TAS1R3: variants seen among roughly 807,000 people sequenced by gnomAD.
TAS1R3 encodes the protein taste receptor type 1 member 3.
Under a neutral mutation model 46.1 loss-of-function variants are expected in TAS1R3, and 58 were observed. That is an observed-to-expected ratio of 1.26 (90% CI 1.02 to 1.57). TAS1R3 has a LOEUF of 1.57. Among genes scored for constraint, TAS1R3 ranks in the 40% most tolerant of loss-of-function variants. The pLI is 0.00. For missense variants in TAS1R3, 1,422 were observed against 1,185.8 expected, an observed-to-expected ratio of 1.20 and a Z score of -2.93; for synonymous variants, 724 against 544.7, an observed-to-expected ratio of 1.33 and a Z score of -4.58.
At position 1,333,939 on chromosome 1, in the gene TAS1R3, G is replaced by A. The variant is rs1419299277; in HGVS notation, c.2034G>A (p.Gly678=). 3.1e-6 allele frequency: 5 copies of A among 1,601,226 alleles called. No homozygotes were observed. Among genetic ancestry groups the A allele is most frequent in the East Asian group, 2.2e-5 (1 of 44,874 alleles). The change falls in exon 6 of 6, where the codon GGG becomes GGA. Residue 678 remains glycine, a synonymous_variant. Coordinates refer to ENST00000339381, the MANE Select transcript of TAS1R3 (RefSeq NM_152228.3). ...WADRLSGCLR[G]PWAWLVVLLA... Reference sequence around the variant, plus strand: ...ACCGGCTGAGTGGCTGCCTGCGGGGGCCCTGGGCCTGGCTGGTGGTGCTGC... The same window carrying A: ...ACCGGCTGAGTGGCTGCCTGCGGGGACCCTGGGCCTGGCTGGTGGTGCTGC...
chr1:1,331,866 T>C lies in TAS1R3; in HGVS notation c.420T>C (p.Ala140=), dbSNP rs765148564. The C allele has an allele frequency of 1.2e-6, 2 of 1,612,768 alleles. No homozygotes were observed. The highest frequency in any genetic ancestry group is 2.2e-5 in the South Asian group (2 of 91,092). ...NYTQYQPRVL[A]VIGPHSSELA... is the part of the protein sequence containing the mutation. Reference sequence around the variant, plus strand: ...CGCAGTACCAGCCCCGTGTGCTGGCTGTCATCGGGCCCCACTCGTCAGAGC... The same window carrying C: ...CGCAGTACCAGCCCCGTGTGCTGGCCGTCATCGGGCCCCACTCGTCAGAGC... Residue 140 remains alanine (A), a synonymous_variant, in exon 2 of 6, where the codon GCT becomes GCC. Transcript: ENST00000339381.
chr1:1,331,443 G>C lies in TAS1R3; in HGVS notation c.98G>C (p.Gly33Ala). The change falls in exon 1 of 6, where the codon GGG becomes GCG. Residue 33 changes from glycine (G) to alanine (A), a missense_variant. By Grantham distance (60) the Gly-to-Ala change is moderately conservative (BLOSUM62 0). Transcript: ENST00000339381. ...CTGTCACAGCAACTTAGGATGAAGG[G>C]GGACTACGTGCTGGGGGGGCTGTTC... is the stretch of plus-strand genomic sequence containing the variant. The part of the protein sequence containing the change: ...LCLSQQLRMK[G>A]DYVLGGLFPL... The C allele has an allele frequency of 6.2e-7, 1 of 1,604,146 alleles. No homozygotes were observed. The highest frequency in any genetic ancestry group is 8.5e-7 in the Non-Finnish European group (1 of 1,177,046).
chr1:1,332,256 T>C lies in TAS1R3; in HGVS notation c.725T>C (p.Leu242Pro). Residue 242 changes from leucine (L) to proline (P), a missense_variant, in exon 3 of 6, where the codon CTG (leucine) becomes CCG (proline). Leu to Pro is a moderately conservative substitution (Grantham distance 98). Coordinates refer to ENST00000339381, the MANE Select transcript of TAS1R3 (RefSeq NM_152228.3). ...ARGICIAHEG[L>P]VPLPRADDSR... ...GGCATCTGCATCGCGCACGAGGGCCTGGTGCCGCTGCCCCGTGCCGATGAC... is the reference window on the plus strand; with the variant it reads ...GGCATCTGCATCGCGCACGAGGGCCCGGTGCCGCTGCCCCGTGCCGATGAC... The C allele has an allele frequency of 1.3e-6, 2 of 1,597,668 alleles. No individual in the cohort carries two copies. Among genetic ancestry groups the C allele is most frequent in the Non-Finnish European group, 1.7e-6 (2 of 1,176,722 alleles).
chr1:1,331,906 G>A lies in TAS1R3; in HGVS notation c.460G>A (p.Gly154Ser), dbSNP rs138707732. 35 of 1,612,354 alleles carry A rather than the reference G, an allele frequency of 2.2e-5. No individual in the cohort carries two copies. The highest frequency in any genetic ancestry group is 2.2e-4 in the Admixed American group (13 of 60,004). The change falls in exon 2 of 6, where the codon GGC (glycine) becomes AGC (serine). Residue 154 changes from glycine to serine, a missense_variant. By Grantham distance (56) the Gly-to-Ser change is moderately conservative. Coordinates refer to ENST00000339381, the MANE Select transcript of TAS1R3 (RefSeq NM_152228.3). ...CTCGTCAGAGCTCGCCATGGTCACC[G>A]GCAAGTTCTTCAGCTTCTTCCTCAT... ...PHSSELAMVT[G>S]KFFSFFLMPQ...
rs778989353 is a variant in TAS1R3, at chr1:1,332,747, AAC to A, written c.1219_1220del (p.Thr407SerfsTer84). 2.5e-6 allele frequency: 4 copies of A among 1,605,368 alleles called. No individual in the cohort carries two copies. The Admixed American group carries it at 5.0e-5, about 20-fold the overall frequency. Reference sequence around the variant, plus strand: ...GTATAGCGTGGCCCAGGCCCTGCACAACACTCTTCAGTGCAACGCCTCAGGCT... The same window carrying A: ...GTATAGCGTGGCCCAGGCCCTGCACAACTCTTCAGTGCAACGCCTCAGGCT... ...AVYSVAQALH[N>X]TLQCNASGCP... On this transcript the variant is annotated frameshift_variant, in exon 3 of 6. Coordinates refer to ENST00000339381, the MANE Select transcript of TAS1R3 (RefSeq NM_152228.3). LOFTEE classifies it high-confidence loss of function.
rs770061346 is a variant in TAS1R3 at position 1,332,248 on chromosome 1, C to G, written c.717C>G (p.His239Gln). ...CGGCACGCGGCATCTGCATCGCGCACGAGGGCCTGGTGCCGCTGCCCCGTG... is the reference window on the plus strand; with the variant it reads ...CGGCACGCGGCATCTGCATCGCGCAGGAGGGCCTGGTGCCGCTGCCCCGTG... The part of the protein sequence containing the change: ...LAAARGICIA[H>Q]EGLVPLPRAD... The change falls in exon 3 of 6, where the codon CAC becomes CAG. Residue 239 changes from histidine to glutamine, a missense_variant. Coordinates refer to ENST00000339381, the MANE Select transcript of TAS1R3 (RefSeq NM_152228.3). 1.3e-6 allele frequency: 2 copies of G among 1,596,044 alleles called. No individual in the cohort carries two copies. Among genetic ancestry groups the G allele is most frequent in the Non-Finnish European group, 1.7e-6 (2 of 1,176,432 alleles).
rs200461046 is a variant in TAS1R3 at position 1,332,886 on chromosome 1, G to A, written c.1276-35G>A. The A allele has an allele frequency of 4.3e-5, 69 of 1,590,472 alleles. No homozygotes were observed. In the East Asian group the frequency reaches 1.4e-3, roughly 33 times the overall value. On this transcript the variant is annotated intron_variant, in intron 3 of 5. Coordinates refer to ENST00000339381, the MANE Select transcript of TAS1R3 (RefSeq NM_152228.3). ...CACGGCCACCACGCCTGAGCTGGAG[G>A]TGGCTGGCGGCTCAGCCCCGTCCCC...
In TAS1R3 at chr1:1,334,092, C is replaced by T. The variant is rs1454730196; in HGVS notation, c.2187C>T (p.Ser729=). The T allele has an allele frequency of 5.7e-6, 9 of 1,590,344 alleles. No individual in the cohort carries two copies. In the South Asian group the frequency reaches 9.0e-5, roughly 16 times the overall value. The change falls in exon 6 of 6, where the codon AGC becomes AGT. Residue 729 remains serine (S), a synonymous_variant. Coordinates refer to ENST00000339381, the MANE Select transcript of TAS1R3 (RefSeq NM_152228.3). The part of the protein sequence containing the change: ...LVHCRTRSWV[S]FGLAHATNAT... ...ACTGCCGCACACGCTCCTGGGTCAG[C>T]TTCGGCCTAGCGCACGCCACCAATG...
In TAS1R3 at chr1:1,332,188, C is replaced by T. The variant is rs1197720526; in HGVS notation, c.657C>T (p.Gly219=). 6.3e-7 allele frequency: 1 copy of T among 1,595,640 alleles called. No individual in the cohort carries two copies. The highest frequency in any genetic ancestry group is 1.3e-5 in the African/African-American group (1 of 74,846). ...VAALGSDDEY[G]RQGLSIFSAL... is the part of the protein sequence containing the mutation. ...CCCTGGGCAGCGACGACGAGTACGG[C>T]CGGCAGGGCCTGAGCATCTTCTCGG... The change falls in exon 3 of 6, where the codon GGC becomes GGT. Residue 219 remains glycine (G), a synonymous_variant. Transcript: ENST00000339381.
Position 1,332,103 on chromosome 1 carries a change from G to A in TAS1R3, c.572G>A (p.Arg191His), listed in dbSNP as rs141717515. ...PSFFRTVPSD[R>H]VQLTAAAELL... ...TTCTTCCGCACCGTGCCCAGCGACCGTGTGCAGCTGACGGCCGCCGCGGAG... is the reference window on the plus strand; with the variant it reads ...TTCTTCCGCACCGTGCCCAGCGACCATGTGCAGCTGACGGCCGCCGCGGAG... The change falls in exon 3 of 6, where the codon CGT (arginine) becomes CAT (histidine). Residue 191 changes from arginine to histidine, a missense_variant. By Grantham distance (29) the Arg-to-His change is conservative. Coordinates refer to ENST00000339381, the MANE Select transcript of TAS1R3 (RefSeq NM_152228.3). The A allele has an allele frequency of 1.2e-4, 186 of 1,600,558 alleles. 1 individual carries two copies. Among genetic ancestry groups the A allele is most frequent in the Admixed American group, 8.2e-4 (49 of 59,986 alleles).
In TAS1R3 at chr1:1,331,706, C is replaced by T. The variant is rs201655269; in HGVS notation, c.260C>T (p.Ser87Leu). The T allele has an allele frequency of 1.5e-5, 24 of 1,612,950 alleles. No homozygotes were observed. The East Asian group carries it at 1.8e-4, about 12-fold the overall frequency. Residue 87 changes from serine to leucine, a missense_variant, in exon 2 of 6, where the codon TCG becomes TTG. Ser to Leu is a moderately radical substitution (Grantham distance 145). Transcript: ENST00000339381. ...GCCGTGGAGGAGATCAACAACAAGTCGGATCTGCTGCCCGGGCTGCGCCTG... is the reference window on the plus strand; with the variant it reads ...GCCGTGGAGGAGATCAACAACAAGTTGGATCTGCTGCCCGGGCTGCGCCTG... ...KMAVEEINNKSDLLPGLRLGY... is the reference protein window; with the variant it reads ...KMAVEEINNKLDLLPGLRLGY...
Position 1,333,633 on chromosome 1 carries a change from G to A in TAS1R3, c.1728G>A (p.Leu576=). 6.2e-7 allele frequency: 1 copy of A among 1,611,666 alleles called. No homozygotes were observed. The highest frequency in any genetic ancestry group is 8.5e-7 in the Non-Finnish European group (1 of 1,179,914). ...EPAVLLLLLL[L]SLALGLVLAA... ...CTGTGCTGCTGCTGCTCCTGCTGCTGAGCCTGGCGCTGGGCCTTGTGCTGG... is the reference window on the plus strand; with the variant it reads ...CTGTGCTGCTGCTGCTCCTGCTGCTAAGCCTGGCGCTGGGCCTTGTGCTGG... Residue 576 remains leucine (L), a synonymous_variant, in exon 6 of 6, where the codon CTG becomes CTA. Coordinates refer to ENST00000339381, the MANE Select transcript of TAS1R3 (RefSeq NM_152228.3).
rs898405223 is a variant in TAS1R3 at position 1,331,951 on chromosome 1, C to CA, written c.492+14dup. The CA allele has an allele frequency of 1.9e-6, 3 of 1,598,940 alleles. No individual in the cohort carries two copies. In the African/African-American group the frequency reaches 4.0e-5, roughly 21 times the overall value. On this transcript the variant is annotated intron_variant, in intron 2 of 5. Coordinates refer to ENST00000339381, the MANE Select transcript of TAS1R3 (RefSeq NM_152228.3). ...CCTCATGCCCCAGGTGGGCGCCCCC[C>CA]ACCATCACCCACCCCCACCCAGCCC...
rs139522421 is a variant in TAS1R3, at chr1:1,334,508, C to A, written c.*44C>A. 49,961 of 1,454,010 alleles carry A rather than the reference C, an allele frequency of 0.034. 1,007 individuals carry two copies. Among genetic ancestry groups the A allele is most frequent in the Middle Eastern group, 0.043 (237 of 5,506 alleles). 90.1% of individuals were successfully genotyped at this position (1,454,010 alleles called of 1,614,324 possible). A position where few individuals can be genotyped will look rare whatever the true frequency, so the allele number is the denominator to read the frequency against. On this transcript the variant is annotated 3_prime_UTR_variant, in exon 6 of 6. Transcript: ENST00000339381. ...GCCCCGGTGAACCCAGACTTAGCTGCGATCCCCCCCAAGCCAGCAATGACC... is the reference window on the plus strand; with the variant it reads ...GCCCCGGTGAACCCAGACTTAGCTGAGATCCCCCCCAAGCCAGCAATGACC...
Position 1,333,874 on chromosome 1 carries a change from G to C in TAS1R3, c.1969G>C (p.Glu657Gln). 1 of 1,600,344 alleles carries C rather than the reference G, an allele frequency of 6.2e-7. No homozygotes were observed. The highest frequency in any genetic ancestry group is 8.5e-7 in the Non-Finnish European group (1 of 1,179,822). ...GAGCACACTCTTCCTGCAGGCGGCC[G>C]AGATCTTCGTGGAGTCAGAACTGCC... Reference protein sequence around the residue: ...CLSTLFLQAAEIFVESELPLS... With the variant: ...CLSTLFLQAAQIFVESELPLS... Residue 657 changes from glutamate to glutamine, a missense_variant, in exon 6 of 6, where the codon GAG (glutamate) becomes CAG (glutamine). Coordinates refer to ENST00000339381, the MANE Select transcript of TAS1R3 (RefSeq NM_152228.3).
In TAS1R3 at chr1:1,334,188, C is replaced by G; in HGVS notation, c.2283C>G (p.Ala761=). The G allele has an allele frequency of 6.2e-7, 1 of 1,600,960 alleles. No individual in the cohort carries two copies. The highest frequency in any genetic ancestry group is 1.1e-5 in the South Asian group (1 of 89,278). ...GCCAGCCGGGCTGCTACAACCGTGC[C>G]CGTGGCCTCACCTTTGCCATGCTGG... The part of the protein sequence containing the change: ...VRSQPGCYNR[A]RGLTFAMLAY... The change falls in exon 6 of 6, where the codon GCC becomes GCG. Residue 761 remains alanine, a synonymous_variant. Transcript: ENST00000339381.
rs141949092 is a variant in TAS1R3 at position 1,332,982 on chromosome 1, G to A, written c.1337G>A (p.Ser446Asn). The part of the protein sequence containing the change: ...HVGGLPLRFD[S>N]SGNVDMEYDL... ...GGCGGGCTGCCGCTGCGGTTCGACA[G>A]CAGCGGAAACGTGGACATGGAGTAC... Residue 446 changes from serine to asparagine, a missense_variant, in exon 4 of 6, where the codon AGC (serine) becomes AAC (asparagine). By Grantham distance (46) the Ser-to-Asn change is conservative. Coordinates refer to ENST00000339381, the MANE Select transcript of TAS1R3 (RefSeq NM_152228.3). 7.9e-5 allele frequency: 128 copies of A among 1,612,500 alleles called. No individual in the cohort carries two copies. The East Asian group carries it at 1.5e-3, about 19-fold the overall frequency.
chr1:1,334,608 G>C lies in TAS1R3; in HGVS notation c.*144G>C. 1.1e-6 allele frequency: 1 copy of C among 940,230 alleles called. No individual in the cohort carries two copies. Among genetic ancestry groups the C allele is most frequent in the Non-Finnish European group, 1.5e-6 (1 of 649,682 alleles). The allele number at this position is 940,230 out of a possible 1,614,324, so 58.2% of individuals were successfully genotyped here. A position where few individuals can be genotyped will look rare whatever the true frequency, so the allele number is the denominator to read the frequency against. On this transcript the variant is annotated 3_prime_UTR_variant, in exon 6 of 6. Coordinates refer to ENST00000339381, the MANE Select transcript of TAS1R3 (RefSeq NM_152228.3). ...TCTCCTGACCCTGACCCCACAGTGA[G>C]CCCTAGGCCTGGAGCACGTGGACAC...
At position 1,334,320 on chromosome 1, in the gene TAS1R3, C is replaced by A. The variant is rs773082025; in HGVS notation, c.2415C>A (p.Ile805=). Residue 805 remains isoleucine (I), a synonymous_variant, in exon 6 of 6, where the codon ATC becomes ATA. Coordinates refer to ENST00000339381, the MANE Select transcript of TAS1R3 (RefSeq NM_152228.3). Reference sequence around the variant, plus strand: ...CCCTCCTGCTCTGTGTCCTGGGCATCCTGGCTGCCTTCCACCTGCCCAGGT... The same window carrying A: ...CCCTCCTGCTCTGTGTCCTGGGCATACTGGCTGCCTTCCACCTGCCCAGGT... ...MGALLLCVLG[I]LAAFHLPRCY... is the part of the protein sequence containing the mutation. 1.2e-6 allele frequency: 2 copies of A among 1,611,778 alleles called. No individual in the cohort carries two copies. The highest frequency in any genetic ancestry group is 1.7e-6 in the Non-Finnish European group (2 of 1,179,240).
Sources: gnomAD v4.1 joint callset for allele counts on GRCh38, gnomAD v4.1.1 for gene constraint, MANE v1.5 for transcripts, NCBI Gene and HGNC (gene_info 2026-07-23, HGNC 2026-07-21) for gene names.